Variants in DDHD1 observed in about 807,000 individuals in gnomAD.
The protein encoded by DDHD1 is phospholipase DDHD1.
A neutral mutation model predicts 96.4 loss-of-function variants in DDHD1; 49 were observed. The ratio of observed to expected loss-of-function variants is 0.51; its 90% CI spans 0.40 to 0.64. DDHD1 has a LOEUF of 0.64. Ranked by LOEUF, DDHD1 falls within the 30% of genes least tolerant of loss-of-function variation. The pLI is 0.00. For missense variants in DDHD1, 1,106 were observed against 1,161.2 expected, an observed-to-expected ratio of 0.95 and a Z score of 0.69; for synonymous variants, 442 against 446.5, an observed-to-expected ratio of 0.99 and a Z score of 0.13.
intron 1 of DDHD1, among the ~76,000 whole-genome samples, chr14:53,140,274 C>T (rs1205189850): frequency 6.6e-6 from 1 of 152,148 alleles, no homozygotes; most frequent in Non-Finnish European, 1.5e-5. Context: ...CGGCTCATGC[C>T]TATAATCCCA....
chr14:53,057,974 C>T (rs962958439), intron 9 of DDHD1, among the ~76,000 whole-genome samples: 2 of 152,080 alleles, frequency 1.3e-5, no homozygotes, highest in Non-Finnish European at 2.9e-5. Flanking sequence ...CTCAGCCTCC[C>T]GAGTAGCTGG....
chr14:53,122,223 C>T (rs1031578691), intron 1 of DDHD1, among the ~76,000 whole-genome samples: 1 of 152,218 alleles, frequency 6.6e-6, no homozygotes, highest in African/African-American at 2.4e-5. Flanking sequence ...TGAGCTGCTT[C>T]CCTGGCACCA....
chr14:53,091,786 T>A lies in DDHD1; in HGVS notation c.1288A>T (p.Met430Leu). 1.9e-6 allele frequency: 3 copies of A among 1,612,712 alleles called. No individual in the cohort carries two copies. Among genetic ancestry groups the A allele is most frequent in the Non-Finnish European group, 2.5e-6 (3 of 1,179,432 alleles). ...DQGRIIKNTA[M>L]MREAARKIEE... ...CAATGCATTCATCAAAGAACTTACA[T>A]AGCTGTATTTTTGATAATTCTTCCT... Residue 430 changes from methionine (M) to leucine (L), a missense_variant and splice_region_variant, in exon 4 of 13, where the codon ATG becomes TTG. Transcript: ENST00000673822.
rs1260954375 is a variant in DDHD1, at chr14:53,041,923, G to C, written c.*4845C>G. ...GGTTGGGGGACAAAAACAAAGAGAG[G>C]CAGTTTCTGCCCTTTAGGAGTAGTT... On this transcript the variant is annotated 3_prime_UTR_variant, in exon 13 of 13. Transcript: ENST00000673822. 6.6e-6 allele frequency: 1 copy of C among 152,130 alleles called. No homozygotes were observed. Among genetic ancestry groups the C allele is most frequent in the Admixed American group, 6.5e-5 (1 of 15,274 alleles). The allele number at this position is 152,130 out of a possible 1,614,324, so 9.4% of individuals were successfully genotyped here.
intron 4 of DDHD1, among the ~76,000 whole-genome samples, chr14:53,085,986 G>A (rs752113249): frequency 2.6e-5 from 4 of 152,294 alleles, no homozygotes; most frequent in African/African-American, 4.8e-5. Context: ...ACCATGACAC[G>A]AGAACTACGT....
chr14:53,135,542 C>T (rs1029478415), intron 1 of DDHD1, among the ~76,000 whole-genome samples: 10 of 152,218 alleles, frequency 6.6e-5, no homozygotes, highest in Non-Finnish European at 1.0e-4. Flanking sequence ...TTCACATGGA[C>T]GCGTGTGACA....
intron 1 of DDHD1, among the ~76,000 whole-genome samples, chr14:53,108,363 A>G (rs984447218): frequency 5.9e-5 from 9 of 152,198 alleles, no homozygotes; most frequent in Non-Finnish European, 1.2e-4. Context: ...TAATACAGCT[A>G]TAACACTCAC....
At chr14:53,112,910 T>C (rs955115264) in intron 1 of DDHD1, among the ~76,000 whole-genome samples, 5 of 152,160 alleles carry the variant, frequency 3.3e-5, no homozygotes, top group East Asian at 1.9e-4. Flanking sequence ...AAAAAAGATA[T>C]GTTACAGTCA....
intron 1 of DDHD1, among the ~76,000 whole-genome samples, chr14:53,113,292 G>A (rs1595198042): frequency 6.6e-6 from 1 of 150,744 alleles, no homozygotes; most frequent in Non-Finnish European, 1.5e-5. Context: ...TTTAAAAAAG[G>A]GTTAGAACTA....
chr14:53,055,786 T>C lies in DDHD1; in HGVS notation c.2119A>G (p.Lys707Glu). The C allele has an allele frequency of 6.2e-7, 1 of 1,614,160 alleles. No homozygotes were observed. Among genetic ancestry groups the C allele is most frequent in the Non-Finnish European group, 8.5e-7 (1 of 1,180,014 alleles). ...TTCTCTGAAACTGAGGTAGGTTCTT[T>C]AGCTGGGTTGAGAAAGCTTGGCTTC... ...HMKPSFLNPA[K>E]EPTSVSENEG... Residue 707 changes from lysine (K) to glutamate (E), a missense_variant, in exon 10 of 13, where the codon AAA becomes GAA. By Grantham distance (56) the Lys-to-Glu change is moderately conservative. Coordinates refer to ENST00000673822, the MANE Select transcript of DDHD1 (RefSeq NM_001160148.2).
chr14:53,058,380 G>A, intron 9 of DDHD1, 97 bp downstream of exon 9: 1 of 1,375,364 alleles, frequency 7.3e-7, no homozygotes, highest in Non-Finnish European at 9.9e-7. Context: ...CTCCCAAAGT[G>A]CTGGGATTAC....
intron 1 of DDHD1, among the ~76,000 whole-genome samples, chr14:53,128,430 T>C (rs921306943): frequency 7.9e-5 from 12 of 152,202 alleles, no homozygotes; most frequent in African/African-American, 2.4e-4. Context: ...TGGTTCATTG[T>C]GCCTTCTCAC....
At chr14:53,115,009 A>C (rs1014862582) in intron 1 of DDHD1, among the ~76,000 whole-genome samples, 20 of 152,180 alleles carry the variant, frequency 1.3e-4, no homozygotes, top group Admixed American at 1.2e-3. Context: ...AACTAGAATA[A>C]CCAGTTTAAA....
In DDHD1 at chr14:53,152,909, C is replaced by T. The variant is rs766015248; in HGVS notation, c.190G>A (p.Gly64Arg). The change falls in exon 1 of 13, where the codon GGG becomes AGG. Residue 64 changes from glycine (G) to arginine (R), a missense_variant. Gly to Arg is a moderately radical substitution (Grantham distance 125). This residue lies in a region of DDHD1 where 456 missense variants were observed against 402.4 expected (regional missense o/e 1.13). Coordinates refer to ENST00000673822, the MANE Select transcript of DDHD1 (RefSeq NM_001160148.2). ...TCGGTGCCCGGCGCCAAATGCAGCC[C>T]GGGTTCCCCGCGCAGCAGGGCCAGG... The part of the protein sequence containing the change: ...VPLALLRGEP[G>R]LHLAPGTDDH... 2 of 1,607,844 alleles carry T rather than the reference C, an allele frequency of 1.2e-6. No homozygotes were observed. Among genetic ancestry groups the T allele is most frequent in the Non-Finnish European group, 1.7e-6 (2 of 1,177,634 alleles).
At chr14:53,095,077 A>C (rs977264321) in intron 2 of DDHD1, among the ~76,000 whole-genome samples, 3 of 152,208 alleles carry the variant, frequency 2.0e-5, no homozygotes, top group African/African-American at 7.2e-5. Context: ...AGTAGTGAAG[A>C]AATTGATATA....
At chr14:53,114,012 A>G (rs925213831) in intron 1 of DDHD1, among the ~76,000 whole-genome samples, 6 of 152,194 alleles carry the variant, frequency 3.9e-5, no homozygotes, top group Non-Finnish European at 7.3e-5. Flanking sequence ...GAAGTCGACC[A>G]GGGACACTGG....
chr14:53,126,573 A>T (rs1889455019), intron 1 of DDHD1, among the ~76,000 whole-genome samples: 1 of 152,178 alleles, frequency 6.6e-6, no homozygotes, highest in East Asian at 1.9e-4. Context: ...TCATCATGTT[A>T]TCCAGGATGC....
intron 1 of DDHD1, among the ~76,000 whole-genome samples, chr14:53,144,529 C>T (rs536311824): frequency 6.8e-4 from 104 of 152,356 alleles, no homozygotes; most frequent in Non-Finnish European, 2.6e-4. Context: ...TTTCCTACAA[C>T]TGTCTTTTGA....
rs1881922121 is a variant in DDHD1, at chr14:53,045,167, G to A, written c.*1601C>T. The A allele has an allele frequency of 6.6e-6, 1 of 152,164 alleles. No individual in the cohort carries two copies. Among genetic ancestry groups the A allele is most frequent in the African/African-American group, 2.4e-5 (1 of 41,428 alleles). 9.4% of individuals were successfully genotyped at this position (152,164 alleles called of 1,614,324 possible). A position where few individuals can be genotyped will look rare whatever the true frequency, so the allele number is the denominator to read the frequency against. On this transcript the variant is annotated 3_prime_UTR_variant, in exon 13 of 13. Coordinates refer to ENST00000673822, the MANE Select transcript of DDHD1 (RefSeq NM_001160148.2). ...TGCAAACTACTAAAAGGTCACATGT[G>A]AATCAAGTCATTGAACAGCATATAA...
Sources: gnomAD v4.1 joint callset for allele counts (sites outside exome capture counted in the v4.1 genomes callset) on GRCh38, gnomAD v4.1.1 for gene constraint, gnomAD v4.1.1 regional missense constraint, MANE v1.5 for transcripts, NCBI Gene and HGNC (gene_info 2026-07-23, HGNC 2026-07-21) for gene names.